Variants in RGS7 observed in about 807,000 individuals in gnomAD.
RGS7 encodes regulator of G protein signaling 7.
In RGS7, 27 loss-of-function variants were observed where a neutral mutation model predicts 81.1. That is an observed-to-expected ratio of 0.33 (90% CI 0.25 to 0.46). The LOEUF is 0.46. Ranked by LOEUF, RGS7 falls within the 20% of genes least tolerant of loss-of-function variation. The pLI, the probability that RGS7 is intolerant of heterozygous loss-of-function variation, is 1.00. For missense variants in RGS7, 396 were observed against 607.4 expected, an observed-to-expected ratio of 0.65 and a Z score of 3.66; for synonymous variants, 208 against 207.7, an observed-to-expected ratio of 1.00 and a Z score of -0.01.
chr1:241,019,963 A>G (rs1335198086), intron 3 of RGS7, among the ~76,000 whole-genome samples: 1 of 152,186 alleles, frequency 6.6e-6, no homozygotes, highest in Admixed American at 6.5e-5. Context: ...CCAAGTGATG[A>G]CTTAAAAAGA....
intron 2 of RGS7, among the ~76,000 whole-genome samples, chr1:241,313,304 A>T (rs2080664395): frequency 6.6e-6 from 1 of 152,246 alleles, no homozygotes; most frequent in Non-Finnish European, 1.5e-5. Flanking sequence ...GATGCCATTT[A>T]GGACTTTCAT....
At chr1:241,112,506 C>T (rs1378946278) in intron 2 of RGS7, among the ~76,000 whole-genome samples, 1 of 152,114 alleles carries the variant, frequency 6.6e-6, no homozygotes, top group Non-Finnish European at 1.5e-5. Context: ...ACAAAAGCAT[C>T]CTCATGCCAA....
chr1:241,343,102 A>T (rs758623582), intron 2 of RGS7, among the ~76,000 whole-genome samples: 11 of 152,068 alleles, frequency 7.2e-5, no homozygotes, highest in Non-Finnish European at 1.5e-4. Flanking sequence ...CTCTACTAAA[A>T]ATACAAAAAA....
At chr1:241,110,060 G>T (rs1451394383) in intron 2 of RGS7, among the ~76,000 whole-genome samples, 1 of 152,096 alleles carries the variant, frequency 6.6e-6, no homozygotes, top group Non-Finnish European at 1.5e-5. Flanking sequence ...CACATTTGAG[G>T]GTTAAATATC....
At chr1:240,845,879 A>T (rs1002514713) in intron 9 of RGS7, among the ~76,000 whole-genome samples, 2 of 152,206 alleles carry the variant, frequency 1.3e-5, no homozygotes, top group Admixed American at 6.5e-5. Context: ...CTGGAAATTG[A>T]CAAGCTTCTC....
chr1:241,102,791 C>A (rs1401555219), intron 2 of RGS7, among the ~76,000 whole-genome samples: 1 of 152,068 alleles, frequency 6.6e-6, no homozygotes, highest in Non-Finnish European at 1.5e-5. Context: ...GCTCAACAAG[C>A]TTCAGTGATT....
At chr1:240,778,569 C>T (rs767578319) in intron 18 of RGS7, among the ~76,000 whole-genome samples, 3 of 152,228 alleles carry the variant, frequency 2.0e-5, no homozygotes, top group Admixed American at 6.5e-5. Context: ...AGTCTCACTC[C>T]GTCGTCAGGC....
chr1:241,127,598 C>T lies in RGS7; in HGVS notation c.79-28836G>A, dbSNP rs200135058. ...AGGAGATATACCTAATGCTAAATGA[C>T]GAGTTAATGGGTGCAGCACACCAAC... On this transcript the variant is annotated intron_variant, in intron 2 of 18. Transcript: ENST00000440928. Among the ~76,000 whole-genome samples the T allele has an allele frequency of 1.1e-4, 16 of 152,092 alleles. No individual in the cohort carries two copies. In the East Asian group the frequency reaches 2.1e-3, roughly 20 times the overall value.
At chr1:240,783,048 T>G (rs1041557059) in intron 18 of RGS7, among the ~76,000 whole-genome samples, 1 of 152,164 alleles carries the variant, frequency 6.6e-6, no homozygotes, top group South Asian at 2.1e-4. Flanking sequence ...TATAATCAGT[T>G]TCAGGACAAA....
intron 6 of RGS7, among the ~76,000 whole-genome samples, chr1:240,898,278 T>C (rs1669423953): frequency 6.6e-6 from 1 of 152,168 alleles, no homozygotes. Context: ...GTGTCTCTAT[T>C]TCCTTCAGTT....
In RGS7 at chr1:240,812,056, A is replaced by T. The variant is rs752067728; in HGVS notation, c.957-13T>A. ...GCTCGGTTCTTTGCTATAGAAGATA[A>T]AACAAAGGCAAATACATTCCTTTCA... On this transcript the variant is annotated splice_polypyrimidine_tract_variant and intron_variant, in intron 13 of 18. Coordinates refer to ENST00000440928, the MANE Select transcript of RGS7 (RefSeq NM_001364886.1). 5 of 1,613,978 alleles carry T rather than the reference A, an allele frequency of 3.1e-6. No homozygotes were observed. The highest frequency in any genetic ancestry group is 4.2e-6 in the Non-Finnish European group (5 of 1,180,004).
At chr1:240,789,742 A>G (rs992580281) in intron 18 of RGS7, among the ~76,000 whole-genome samples, 1 of 152,164 alleles carries the variant, frequency 6.6e-6, no homozygotes, top group Non-Finnish European at 1.5e-5. Context: ...TATCAGTGAC[A>G]ATGCCTGCCC....
At chr1:240,832,816 C>T (rs1319565139) in intron 9 of RGS7, among the ~76,000 whole-genome samples, 1 of 152,110 alleles carries the variant, frequency 6.6e-6, no homozygotes, top group Non-Finnish European at 1.5e-5. Context: ...AGCAAGACAT[C>T]AAGTACACCC....
chr1:240,981,339 T>C (rs1684884740), intron 4 of RGS7, among the ~76,000 whole-genome samples: 1 of 152,138 alleles, frequency 6.6e-6, no homozygotes, highest in African/African-American at 2.4e-5. Flanking sequence ...CTCGAACTCC[T>C]GAGCTCGTGA....
chr1:241,217,755 T>C (rs2074657794), intron 2 of RGS7, among the ~76,000 whole-genome samples: 1 of 152,226 alleles, frequency 6.6e-6, no homozygotes, highest in Non-Finnish European at 1.5e-5. Context: ...CATAAGCTAA[T>C]TGCCTTTCTC....
intron 2 of RGS7, among the ~76,000 whole-genome samples, chr1:241,122,993 G>T (rs2066395499): frequency 2.6e-5 from 4 of 152,176 alleles, no homozygotes; most frequent in Admixed American, 6.5e-5. Context: ...ATAAGTGATT[G>T]TCAGACACAT....
intron 9 of RGS7, among the ~76,000 whole-genome samples, chr1:240,848,354 T>G (rs1042136041): frequency 1.3e-5 from 2 of 152,144 alleles, no homozygotes; most frequent in African/African-American, 4.8e-5. Context: ...TTATCTTACA[T>G]GAAAAAATAA....
At chr1:241,178,245 T>C (rs1483792751) in intron 2 of RGS7, among the ~76,000 whole-genome samples, 2 of 152,058 alleles carry the variant, frequency 1.3e-5, no homozygotes, top group Admixed American at 1.3e-4. Flanking sequence ...TAAGCTAGGA[T>C]GGTGCCACTG....
At chr1:241,182,002 C>T (rs972283083) in intron 2 of RGS7, among the ~76,000 whole-genome samples, 1 of 152,194 alleles carries the variant, frequency 6.6e-6, no homozygotes, top group African/African-American at 2.4e-5. Flanking sequence ...TGCTCTCTAT[C>T]TTAACAGATC....
Sources: gnomAD v4.1 joint callset for allele counts (sites outside exome capture counted in the v4.1 genomes callset) on GRCh38, gnomAD v4.1.1 for gene constraint, MANE v1.5 for transcripts, NCBI Gene and HGNC (gene_info 2026-07-23, HGNC 2026-07-21) for gene names.